Variants in FERMT2 observed in about 807,000 individuals in gnomAD.
FERMT2 encodes the protein fermitin family homolog 2.
Under a neutral mutation model 82.7 loss-of-function variants are expected in FERMT2, and 15 were observed. That is an observed-to-expected ratio of 0.18 (90% CI 0.12 to 0.28). The LOEUF (loss-of-function observed/expected upper bound fraction) is 0.28, where lower values mean the gene tolerates loss of function less well. Ranked by LOEUF, FERMT2 falls within the 10% of genes least tolerant of loss-of-function variation. The pLI is 1.00. For missense variants in FERMT2, 645 were observed against 809.4 expected (o/e 0.80, Z 2.46); for synonymous variants, 274 against 271.5 (o/e 1.01, Z -0.09).
chr14:52,910,061 T>A (rs1412129867), intron 3 of FERMT2, among the ~76,000 whole-genome samples: 1 of 152,142 alleles, frequency 6.6e-6, no homozygotes, highest in African/African-American at 2.4e-5. Context: ...CAAAAATAAA[T>A]AAATTAATTA....
Position 52,949,836 on chromosome 14 carries a change from A to G in FERMT2, c.157+576T>C, listed in dbSNP as rs139696631. Among the ~76,000 whole-genome samples, 837 of 152,322 alleles carry G rather than the reference A, an allele frequency of 5.5e-3. 4 individuals carry two copies. The highest frequency in any genetic ancestry group is 9.9e-3 in the African/African-American group (413 of 41,566). ...AAACGGCTTACATCGAGCATGGACT[A>G]TGGATACCAAGTTTGTCAAGCACTG... is the stretch of plus-strand genomic sequence containing the variant. On this transcript the variant is annotated intron_variant, in intron 2 of 14. Coordinates refer to ENST00000341590, the MANE Select transcript of FERMT2 (RefSeq NM_006832.3).
At chr14:52,860,697 G>T in intron 12 of FERMT2, 1 of 564,632 alleles carries the variant, frequency 1.8e-6, no homozygotes, top group South Asian at 2.4e-5. Context: ...GTACTATTAG[G>T]AGTACATAGT....
rs187969341 is a variant in FERMT2, at chr14:52,911,990, T to C, written c.391+7133A>G. ...ATCCTAGGAACCCTGCTCTGTGATA[T>C]TGACCCCCACCCTACCCCCAGTTCT... On this transcript the variant is annotated intron_variant, in intron 3 of 14. Transcript: ENST00000341590. 3.9e-5 allele frequency among the ~76,000 whole-genome samples: 6 copies of C among 152,116 alleles called. No individual in the cohort carries two copies. The East Asian group carries it at 9.7e-4, about 25-fold the overall frequency.
chr14:52,877,574 C>CTTTATTT (rs771194186), intron 7 of FERMT2, among the ~76,000 whole-genome samples: 2 of 67,062 alleles, frequency 3.0e-5, no homozygotes, highest in African/African-American at 1.2e-4. Flanking sequence ...GCTGTTCTTG[C>CTTTATTT]TTTTTTTTTT....
chr14:52,865,828 G>C (rs1885242102), intron 10 of FERMT2, among the ~76,000 whole-genome samples: 1 of 152,070 alleles, frequency 6.6e-6, no homozygotes. Context: ...TAAATAAAAA[G>C]AACACTTTAG....
At chr14:52,898,424 T>C (rs1887425615) in intron 3 of FERMT2, among the ~76,000 whole-genome samples, 1 of 152,212 alleles carries the variant, frequency 6.6e-6, no homozygotes, top group Non-Finnish European at 1.5e-5. Flanking sequence ...TTTCATGGAT[T>C]AGCAATAATT....
intron 3 of FERMT2, among the ~76,000 whole-genome samples, chr14:52,905,113 G>A (rs934539465): frequency 6.6e-5 from 10 of 151,002 alleles, no homozygotes; most frequent in Admixed American, 2.0e-4. Flanking sequence ...CGCTTGAACC[G>A]GGGAGGCAGA....
chr14:52,892,791 ATAG>A lies in FERMT2; in HGVS notation c.526+499_526+501del, dbSNP rs141640402. ...TTTTAAGGAATAATGCATTAACCAAATAGTGGTGGTTTTCATGAACTAGATACT... is the reference window on the plus strand; with the variant it reads ...TTTTAAGGAATAATGCATTAACCAAATGGTGGTTTTCATGAACTAGATACT... On this transcript the variant is annotated intron_variant, in intron 4 of 14. Transcript: ENST00000341590. Among the ~76,000 whole-genome samples, 142 of 152,274 alleles carry A rather than the reference ATAG, an allele frequency of 9.3e-4. 1 individual carries two copies. The highest frequency in any genetic ancestry group is 3.4e-3 in the Middle Eastern group (1 of 294).
At chr14:52,903,019 C>G (rs1010382530) in intron 3 of FERMT2, among the ~76,000 whole-genome samples, 2 of 139,798 alleles carry the variant, frequency 1.4e-5, no homozygotes, top group Non-Finnish European at 3.1e-5. Context: ...ACAGAGAAAA[C>G]AAAGAGGAGG....
intron 9 of FERMT2, 136 bp from the exon 10 acceptor site, chr14:52,873,059 C>T (rs1952089): frequency 0.86 from 652,722 of 755,998 alleles, 285,146 homozygotes; most frequent in Middle Eastern, 0.91. Flanking sequence ...CCTTGGTCAG[C>T]GTCTTATTAG....
At position 52,864,589 on chromosome 14, in the gene FERMT2, T is replaced by C. The variant is rs1463434156; in HGVS notation, c.1414A>G (p.Arg472Gly). 6.2e-7 allele frequency: 1 copy of C among 1,614,222 alleles called. No individual in the cohort carries two copies. Among genetic ancestry groups the C allele is most frequent in the Admixed American group, 1.7e-5 (1 of 60,036 alleles). Residue 472 changes from arginine to glycine, a missense_variant, in exon 12 of 15, where the codon AGA becomes GGA. Coordinates refer to ENST00000341590, the MANE Select transcript of FERMT2 (RefSeq NM_006832.3). ...ATGGTCTTGCCTTTGGAGGCTAATC[T>C]GCAGGCTGCCATCCAGTGTGCATAC... ...KQYAHWMAAC[R>G]LASKGKTMAD... is the part of the protein sequence containing the mutation.
chr14:52,892,386 C>G (rs1465963106), intron 4 of FERMT2, among the ~76,000 whole-genome samples: 2 of 151,580 alleles, frequency 1.3e-5, no homozygotes, highest in Non-Finnish European at 2.9e-5. Flanking sequence ...AGGTGATCTG[C>G]CTGCCTTGGC....
chr14:52,906,517 A>T, intron 3 of FERMT2, among the ~76,000 whole-genome samples: 1 of 151,188 alleles, frequency 6.6e-6, no homozygotes, highest in Non-Finnish European at 1.5e-5. Flanking sequence ...ACTATGACGC[A>T]TAATGACACA....
intron 10 of FERMT2, among the ~76,000 whole-genome samples, chr14:52,865,831 C>T (rs2140068064): frequency 6.6e-6 from 1 of 152,246 alleles, no homozygotes; most frequent in East Asian, 1.9e-4. Context: ...ATAAAAAGAA[C>T]ACTTTAGATA....
intron 13 of FERMT2, chr14:52,860,137 A>C (rs1884837316): frequency 1.9e-6 from 1 of 518,806 alleles, no homozygotes. Context: ...TTCTCTTAGT[A>C]GTAAAACAAA....
intron 10 of FERMT2, among the ~76,000 whole-genome samples, chr14:52,866,964 T>C (rs1279545727): frequency 1.3e-5 from 2 of 152,150 alleles, no homozygotes; most frequent in African/African-American, 4.8e-5. Context: ...ATTTCCTTCT[T>C]TCTACTGCCA....
At chr14:52,874,775 G>A (rs1300781439) in intron 8 of FERMT2, among the ~76,000 whole-genome samples, 2 of 152,174 alleles carry the variant, frequency 1.3e-5, no homozygotes, top group Non-Finnish European at 2.9e-5. Context: ...TGTATTGAAT[G>A]CACTAGAGAC....
intron 3 of FERMT2, among the ~76,000 whole-genome samples, chr14:52,894,572 G>A (rs962649533): frequency 1.5e-4 from 23 of 152,182 alleles, no homozygotes; most frequent in Middle Eastern, 3.4e-3. Context: ...ATGATAAGAC[G>A]TACAGATGAA....
intron 2 of FERMT2, among the ~76,000 whole-genome samples, chr14:52,925,025 C>T (rs1570878): frequency 0.58 from 88,386 of 151,988 alleles, 25,962 homozygotes; most frequent in East Asian, 0.73. Flanking sequence ...AGAAAATTAG[C>T]TCTTTCTTTG....
Sources: allele counts gnomAD v4.1 joint callset (sites outside exome capture counted in the v4.1 genomes callset), GRCh38; gene constraint gnomAD v4.1.1; transcripts MANE v1.5; gene names NCBI Gene and HGNC (gene_info 2026-07-23, HGNC 2026-07-21).